SORCS3: variants seen among roughly 807,000 people sequenced by gnomAD.
The protein encoded by SORCS3 is VPS10 domain-containing receptor SorCS3.
In SORCS3, 57 loss-of-function variants were observed where a neutral mutation model predicts 146.3. The ratio of observed to expected loss-of-function variants is 0.39; its 90% CI spans 0.31 to 0.49. The LOEUF is 0.49. SORCS3 is among the 20% of genes least tolerant of loss of function. The pLI, the probability that SORCS3 is intolerant of heterozygous loss-of-function variation, is 0.92. For synonymous variants in SORCS3, 653 were observed against 618.5 expected, an observed-to-expected ratio of 1.06 and a Z score of -0.83; for missense variants, 1,341 against 1,575.5, an observed-to-expected ratio of 0.85 and a Z score of 2.52.
chr10:104,917,787 G>T (rs190294420), intron 3 of SORCS3, among the ~76,000 whole-genome samples: 13 of 152,202 alleles, frequency 8.5e-5, no homozygotes, highest in African/African-American at 3.1e-4. Flanking sequence ...ATGTCTTCAG[G>T]TTCATCCATG....
chr10:105,074,921 A>G (rs2055579324), intron 5 of SORCS3, among the ~76,000 whole-genome samples: 1 of 152,238 alleles, frequency 6.6e-6, no homozygotes, highest in Admixed American at 6.5e-5. Context: ...ATGTTACCAC[A>G]GTAATTGGCA....
At chr10:105,127,193 C>T (rs2055981946) in intron 7 of SORCS3, among the ~76,000 whole-genome samples, 1 of 152,082 alleles carries the variant, frequency 6.6e-6, no homozygotes, top group African/African-American at 2.4e-5. Context: ...ACATCTTGTA[C>T]TCTGCTTCCC....
chr10:104,641,587 C>T lies in SORCS3; in HGVS notation c.260C>T (p.Pro87Leu). ...GCCGTGCTGGGGCGCCGGGCCGGAC[C>T]AGAGCTGCTGCCCCAGCAGGGCGGC... ...RAAVLGRRAG[P>L]ELLPQQGGGR... is the part of the protein sequence containing the mutation. Residue 87 changes from proline to leucine, a missense_variant, in exon 1 of 27, where the codon CCA (proline) becomes CTA (leucine). Pro to Leu is a moderately conservative substitution (Grantham distance 98). Coordinates refer to ENST00000369701, the MANE Select transcript of SORCS3 (RefSeq NM_014978.3). The surrounding 1 kb of genome is among the most constrained non-coding windows in gnomAD (Gnocchi z 6.4). 1 of 1,507,768 alleles carries T rather than the reference C, an allele frequency of 6.6e-7. No homozygotes were observed. The highest frequency in any genetic ancestry group is 1.2e-5 in the South Asian group (1 of 80,738). The allele number at this position is 1,507,768 out of a possible 1,614,324, so 93.4% of individuals were successfully genotyped here.
intron 20 of SORCS3, among the ~76,000 whole-genome samples, chr10:105,227,808 T>C (rs2056742772): frequency 6.6e-6 from 1 of 152,054 alleles, no homozygotes; most frequent in Admixed American, 6.6e-5. Flanking sequence ...CTTCTTTGTA[T>C]TTTTTGTTTT....
chr10:104,760,940 G>A (rs1430924408), intron 1 of SORCS3, among the ~76,000 whole-genome samples: 2 of 150,726 alleles, frequency 1.3e-5, no homozygotes, highest in African/African-American at 4.9e-5. Context: ...TTTTATCGAA[G>A]AAAACAGGGA....
intron 5 of SORCS3, 53 bp downstream of exon 5, chr10:105,043,181 C>A: frequency 1.3e-6 from 2 of 1,488,584 alleles, no homozygotes; most frequent in Non-Finnish European, 1.9e-6. Context: ...TATCAAACAG[C>A]GTAGCACTCT....
intron 1 of SORCS3, among the ~76,000 whole-genome samples, chr10:104,766,066 A>C (rs1024049606): frequency 6.6e-6 from 1 of 152,200 alleles, no homozygotes; most frequent in Non-Finnish European, 1.5e-5. Context: ...TTCTTGAAAC[A>C]ATACTTCTTC....
At chr10:104,691,433 C>T (rs2016110493) in intron 1 of SORCS3, among the ~76,000 whole-genome samples, 1 of 152,208 alleles carries the variant, frequency 6.6e-6, no homozygotes, top group East Asian at 1.9e-4. Flanking sequence ...GAAAAAAAAT[C>T]AGGCCAAGCT....
chr10:105,141,783 A>T (rs1452058409), intron 8 of SORCS3, among the ~76,000 whole-genome samples: 1 of 152,204 alleles, frequency 6.6e-6, no homozygotes, highest in Non-Finnish European at 1.5e-5. Flanking sequence ...GGGGCAGGTG[A>T]TAGGGAGCAG....
chr10:105,072,162 A>G (rs983981434), intron 5 of SORCS3, among the ~76,000 whole-genome samples: 1 of 152,126 alleles, frequency 6.6e-6, no homozygotes, highest in African/African-American at 2.4e-5. Flanking sequence ...AGAGTTTGGC[A>G]TGGGAGGTGG....
intron 17 of SORCS3, among the ~76,000 whole-genome samples, chr10:105,212,196 G>A (rs944675056): frequency 6.6e-5 from 10 of 152,208 alleles, no homozygotes; most frequent in Non-Finnish European, 1.5e-4. Context: ...TGATGAAAAA[G>A]AAGTGCTGAC....
chr10:105,166,510 T>G (rs1452126949), intron 12 of SORCS3, among the ~76,000 whole-genome samples: 2 of 152,198 alleles, frequency 1.3e-5, no homozygotes, highest in African/African-American at 4.8e-5. Context: ...GAAATTCTCT[T>G]AACTCGGAAC....
At chr10:104,784,054 G>A (rs2017404945) in intron 1 of SORCS3, among the ~76,000 whole-genome samples, 2 of 152,190 alleles carry the variant, frequency 1.3e-5, no homozygotes, top group African/African-American at 4.8e-5. Flanking sequence ...ATCCATCAGG[G>A]AAGAGTCCTG....
intron 1 of SORCS3, among the ~76,000 whole-genome samples, chr10:104,788,057 C>A (rs767966078): frequency 6.6e-6 from 1 of 152,174 alleles, no homozygotes; most frequent in Non-Finnish European, 1.5e-5. Flanking sequence ...CCACTTCTTC[C>A]AGATTGGCCT....
At chr10:105,140,882 G>A (rs2056090787) in intron 8 of SORCS3, among the ~76,000 whole-genome samples, 1 of 152,094 alleles carries the variant, frequency 6.6e-6, no homozygotes, top group Admixed American at 6.5e-5. Context: ...TTTGCAGGAT[G>A]TACCCATCAG....
intron 2 of SORCS3, among the ~76,000 whole-genome samples, chr10:104,846,559 C>G (rs981520427): frequency 2.0e-5 from 3 of 152,210 alleles, no homozygotes; most frequent in Admixed American, 1.3e-4. Context: ...ATATAATTAT[C>G]TGCCTTACTG....
At chr10:104,975,571 A>C (rs924556253) in intron 3 of SORCS3, among the ~76,000 whole-genome samples, 6 of 152,224 alleles carry the variant, frequency 3.9e-5, no homozygotes, top group Admixed American at 1.3e-4. Flanking sequence ...TTTAAAGTTC[A>C]TATGGAGCCA....
chr10:105,225,111 T>C (rs1188522214), intron 20 of SORCS3, among the ~76,000 whole-genome samples: 1 of 152,162 alleles, frequency 6.6e-6, no homozygotes, highest in Non-Finnish European at 1.5e-5. Flanking sequence ...CAGTTCTTTT[T>C]TTCATGAATC....
intron 7 of SORCS3, among the ~76,000 whole-genome samples, chr10:105,129,410 A>C (rs1434873175): frequency 6.7e-6 from 1 of 148,232 alleles, no homozygotes; most frequent in East Asian, 2.0e-4. Context: ...TTTTGAGCAC[A>C]GAGAGGGGGC....
Sources: allele counts gnomAD v4.1 joint callset (sites outside exome capture counted in the v4.1 genomes callset), GRCh38; gene constraint gnomAD v4.1.1; non-coding constraint Gnocchi (gnomAD v3.1); transcripts MANE v1.5; gene names NCBI Gene and HGNC (gene_info 2026-07-23, HGNC 2026-07-21).